The following SCN1B variants were observed in gnomAD, a reference collection of about 807,000 sequenced individuals.
SCN1B encodes the protein sodium channel regulatory subunit beta-1.
SCN1B carries 11 observed loss-of-function variants against 25.7 expected under a neutral mutation model. The ratio of observed to expected loss-of-function variants is 0.43; its 90% CI spans 0.27 to 0.71. The LOEUF is 0.71. Among genes scored for constraint, SCN1B ranks in the 30% least tolerant of loss-of-function variants. SCN1B has a pLI of 0.21. For missense variants in SCN1B, 224 were observed against 291.5 expected (o/e 0.77, Z 1.69); for synonymous variants, 119 against 117.5 (o/e 1.01, Z -0.08).
Position 35,030,874 on chromosome 19 carries a change from G to A in SCN1B, c.40+14G>A. On this transcript the variant is annotated intron_variant, in intron 1 of 5. Coordinates refer to ENST00000262631, the MANE Select transcript of SCN1B (RefSeq NM_001037.5). Reference sequence around the variant, plus strand: ...GCGCGGCACTGGGTGAGTGCGCGGGGGGCGCGCGCGGCCGGGGGGCACCGC... The same window carrying A: ...GCGCGGCACTGGGTGAGTGCGCGGGAGGCGCGCGCGGCCGGGGGGCACCGC... The A allele has an allele frequency of 1.5e-6, 1 of 684,072 alleles. No individual in the cohort carries two copies. Among genetic ancestry groups the A allele is most frequent in the Non-Finnish European group, 1.9e-6 (1 of 527,834 alleles). The allele number at this position is 684,072 out of a possible 1,614,324, so 42.4% of individuals were successfully genotyped here. A position where few individuals can be genotyped will look rare whatever the true frequency, so the allele number is the denominator to read the frequency against.
rs951242570 is a variant in SCN1B, at chr19:35,030,550, C to T, written c.-271C>T. On this transcript the variant is annotated 5_prime_UTR_variant, in exon 1 of 6. Coordinates refer to ENST00000262631, the MANE Select transcript of SCN1B (RefSeq NM_001037.5). ...GGGTCGGTGCACCTAGCGGATGTGCCCGGCTGCGCGCGCCAGCGCAGCAGC... is the reference window on the plus strand; with the variant it reads ...GGGTCGGTGCACCTAGCGGATGTGCTCGGCTGCGCGCGCCAGCGCAGCAGC... The T allele has an allele frequency of 6.7e-6, 1 of 149,990 alleles. No individual in the cohort carries two copies. 9.3% of individuals were successfully genotyped at this position (149,990 alleles called of 1,614,324 possible).
chr19:35,035,255 G>A (rs1165665693), intron 3 of SCN1B: 2 of 150,432 alleles, frequency 1.3e-5, no homozygotes, highest in Non-Finnish European at 3.0e-5. Context: ...TGTACGCCGT[G>A]ACCCAATAGA....
intron 3 of SCN1B, chr19:35,037,579 G>A (rs150916489): frequency 6.6e-6 from 1 of 152,258 alleles, no homozygotes; most frequent in African/African-American, 2.4e-5. Flanking sequence ...GAGGCATCAA[G>A]GAGATGGTTG....
rs548443747 is a variant in SCN1B at position 35,032,417 on chromosome 19, C to T, written c.41-111C>T. ...GAGTGACAGGGCTCAGCCTAGCATC[C>T]AGTCCTGTCTGCTGGTAATCATTGA... On this transcript the variant is annotated intron_variant, in intron 1 of 5. Coordinates refer to ENST00000262631, the MANE Select transcript of SCN1B (RefSeq NM_001037.5). This position sits in a 1 kb window ranked among gnomAD's most constrained non-coding sequence, Gnocchi z 4.3. 5.4e-6 allele frequency: 7 copies of T among 1,285,996 alleles called. No individual in the cohort carries two copies. Among genetic ancestry groups the T allele is most frequent in the African/African-American group, 4.4e-5 (3 of 68,864 alleles). 79.7% of individuals were successfully genotyped at this position (1,285,996 alleles called of 1,614,324 possible).
At position 35,032,857 on chromosome 19, in the gene SCN1B, A is replaced by G. The variant is rs72550254; in HGVS notation, c.207+163A>G. 8.5e-5 allele frequency among the ~76,000 whole-genome samples: 13 copies of G among 152,140 alleles called. No individual in the cohort carries two copies. Among genetic ancestry groups the G allele is most frequent in the Non-Finnish European group, 1.8e-4 (12 of 68,030 alleles). ...CAGTGGCCAGCTGGTGACCTTGGCCAAGTCAGTGAGCCTCTCTGAAAGTCA... is the reference window on the plus strand; with the variant it reads ...CAGTGGCCAGCTGGTGACCTTGGCCGAGTCAGTGAGCCTCTCTGAAAGTCA... On this transcript the variant is annotated intron_variant, in intron 2 of 5. Coordinates refer to ENST00000262631, the MANE Select transcript of SCN1B (RefSeq NM_001037.5). This position sits in a 1 kb window ranked among gnomAD's most constrained non-coding sequence, Gnocchi z 4.3.
intron 5 of SCN1B, 33 bp from the exon 6 acceptor site, chr19:35,039,764 G>C (rs1226071612): frequency 5.2e-6 from 8 of 1,542,764 alleles, no homozygotes; most frequent in Non-Finnish European, 5.4e-6. Context: ...AGTCCCCCAG[G>C]TCCCTAATTC....
chr19:35,030,782 G>T lies in SCN1B; in HGVS notation c.-39G>T. ...CGCCTCTCGCCCCGCTATTAATACC[G>T]GCGGCCCGGGAGGGGGGCGCAGCAC... is the stretch of plus-strand genomic sequence containing the variant. On this transcript the variant is annotated 5_prime_UTR_variant, in exon 1 of 6. Coordinates refer to ENST00000262631, the MANE Select transcript of SCN1B (RefSeq NM_001037.5). 2.3e-6 allele frequency: 2 copies of T among 885,970 alleles called. No homozygotes were observed. Among genetic ancestry groups the T allele is most frequent in the South Asian group, 1.9e-5 (1 of 51,318 alleles). 54.9% of individuals were successfully genotyped at this position (885,970 alleles called of 1,614,324 possible).
intron 4 of SCN1B, 162 bp from the exon 5 acceptor site, chr19:35,039,473 C>A: frequency 4.1e-6 from 4 of 974,742 alleles, no homozygotes; most frequent in Non-Finnish European, 6.4e-6. Context: ...AGGCTCCCAG[C>A]CAGATTCCTC....
intron 3 of SCN1B, chr19:35,034,803 G>C (rs1299779745): frequency 1.3e-5 from 2 of 152,528 alleles, no homozygotes; most frequent in Non-Finnish European, 2.9e-5. Flanking sequence ...GGGAGGGAAG[G>C]TTATGTGGCC....
rs2064231271 is a variant in SCN1B at position 35,033,864 on chromosome 19, G to T, written c.448+125G>T. 1.9e-6 allele frequency: 3 copies of T among 1,609,244 alleles called. No individual in the cohort carries two copies. The highest frequency in any genetic ancestry group is 2.7e-5 in the African/African-American group (2 of 74,822). On this transcript the variant is annotated intron_variant, in intron 3 of 5. Coordinates refer to ENST00000262631, the MANE Select transcript of SCN1B (RefSeq NM_001037.5). ...GGCCAGCCAACCGCCCACAGCAGCG[G>T]GCTGAGGGGGAGGGGAGCAGCCCCT...
chr19:35,030,797 G>GGGCGCAGCACGCGC lies in SCN1B; in HGVS notation c.-23_-10dup. 1 of 1,032,200 alleles carries GGGCGCAGCACGCGC rather than the reference G, an allele frequency of 9.7e-7. No homozygotes were observed. The allele number at this position is 1,032,200 out of a possible 1,614,324, so 63.9% of individuals were successfully genotyped here. On this transcript the variant is annotated 5_prime_UTR_variant, in exon 1 of 6. Coordinates refer to ENST00000262631, the MANE Select transcript of SCN1B (RefSeq NM_001037.5). ...TATTAATACCGGCGGCCCGGGAGGG[G>GGGCGCAGCACGCGC]GGCGCAGCACGCGCCGCGCAGCCAT... is the stretch of plus-strand genomic sequence containing the variant.
intron 3 of SCN1B, chr19:35,034,604 C>T (rs2064237001): frequency 5.9e-6 from 1 of 170,012 alleles, no homozygotes; most frequent in Admixed American, 5.4e-5. Context: ...CAGCTACAAG[C>T]CGTGGCAGAA....
intron 3 of SCN1B, chr19:35,034,301 G>A: frequency 1.1e-6 from 1 of 890,266 alleles, no homozygotes; most frequent in Non-Finnish European, 1.7e-6. Flanking sequence ...CCTGCCCCGG[G>A]GGAGCCGCGC....
At chr19:35,031,283 G>C (rs1248524204) in intron 1 of SCN1B, 1 of 151,762 alleles carries the variant, frequency 6.6e-6, no homozygotes, top group Admixed American at 6.6e-5. Flanking sequence ...AGAAGGACTC[G>C]GAGCGCACCG....
In SCN1B at chr19:35,033,621, T is replaced by C. The variant is rs745663166; in HGVS notation, c.330T>C (p.Asn110=). 3 of 1,614,012 alleles carry C rather than the reference T, an allele frequency of 1.9e-6. No individual in the cohort carries two copies. Among genetic ancestry groups the C allele is most frequent in the Admixed American group, 1.7e-5 (1 of 59,998 alleles). ...DLQDLSIFIT[N]VTYNHSGDYE... ...AGGATCTGTCTATCTTCATCACCAA[T>C]GTCACCTACAACCACTCGGGCGACT... The change falls in exon 3 of 6, where the codon AAT becomes AAC. Residue 110 remains asparagine, a synonymous_variant. Coordinates refer to ENST00000262631, the MANE Select transcript of SCN1B (RefSeq NM_001037.5).
At position 35,032,552 on chromosome 19, in the gene SCN1B, T is replaced by C; in HGVS notation, c.65T>C (p.Val22Ala). 6.2e-7 allele frequency: 1 copy of C among 1,613,912 alleles called. No homozygotes were observed. The highest frequency in any genetic ancestry group is 8.5e-7 in the Non-Finnish European group (1 of 1,180,020). Residue 22 changes from valine (V) to alanine (A), a missense_variant, in exon 2 of 6, where the codon GTG becomes GCG. Coordinates refer to ENST00000262631, the MANE Select transcript of SCN1B (RefSeq NM_001037.5). The surrounding 1 kb of genome is among the most constrained non-coding windows in gnomAD (Gnocchi z 4.3). ...GTGTCCTCAGCCTGCGGGGGCTGCG[T>C]GGAGGTGGACTCGGAGACCGAGGCC... ...ALVSSACGGC[V>A]EVDSETEAVY...
chr19:35,030,874 GGGC>G lies in SCN1B; in HGVS notation c.40+16_40+18del. 1 of 684,072 alleles carries G rather than the reference GGGC, an allele frequency of 1.5e-6. No individual in the cohort carries two copies. The highest frequency in any genetic ancestry group is 1.9e-6 in the Non-Finnish European group (1 of 527,834). The allele number at this position is 684,072 out of a possible 1,614,324, so 42.4% of individuals were successfully genotyped here. On this transcript the variant is annotated intron_variant, in intron 1 of 5. Transcript: ENST00000262631. ...GCGCGGCACTGGGTGAGTGCGCGGG[GGGC>G]GCGCGCGGCCGGGGGGCACCGCGGG... is the stretch of plus-strand genomic sequence containing the variant.
rs1490399269 is a variant in SCN1B, at chr19:35,039,249, A to G, written c.581A>G (p.Gln194Arg). 1 of 1,613,402 alleles carries G rather than the reference A, an allele frequency of 6.2e-7. No homozygotes were observed. Among genetic ancestry groups the G allele is most frequent in the Admixed American group, 1.7e-5 (1 of 60,028 alleles). ...GCTGCCGCCACGGAGACTGCTGCAC[A>G]GGAGAATGCGTGAGTAGGGTGGCTG... is the stretch of plus-strand genomic sequence containing the variant. Reference protein sequence around the residue: ...KIAAATETAAQENASEYLAIT... With the variant: ...KIAAATETAARENASEYLAIT... Residue 194 changes from glutamine to arginine, a missense_variant, in exon 4 of 6, where the codon CAG becomes CGG. Coordinates refer to ENST00000262631, the MANE Select transcript of SCN1B (RefSeq NM_001037.5).
chr19:35,039,936 G>A lies in SCN1B; in HGVS notation c.*145G>A. 2 of 590,448 alleles carry A rather than the reference G, an allele frequency of 3.4e-6. No individual in the cohort carries two copies. The highest frequency in any genetic ancestry group is 6.0e-6 in the Non-Finnish European group (2 of 331,924). The allele number at this position is 590,448 out of a possible 1,614,324, so 36.6% of individuals were successfully genotyped here. On this transcript the variant is annotated 3_prime_UTR_variant, in exon 6 of 6. Coordinates refer to ENST00000262631, the MANE Select transcript of SCN1B (RefSeq NM_001037.5). ...GACGGAGCCACTGGGGTGGGAGGGG[G>A]CAGGGGGCTTGGCTCGCACCCCCAC... is the stretch of plus-strand genomic sequence containing the variant.
Sources: gnomAD v4.1 joint callset for allele counts (sites outside exome capture counted in the v4.1 genomes callset) on GRCh38, gnomAD v4.1.1 for gene constraint, Gnocchi (gnomAD v3.1) non-coding constraint, MANE v1.5 for transcripts, NCBI Gene and HGNC (gene_info 2026-07-23, HGNC 2026-07-21) for gene names.